CDK6: variants seen among roughly 807,000 people sequenced by gnomAD.
CDK6 encodes the protein cyclin dependent kinase 6.
In CDK6, 6 loss-of-function variants were observed where a neutral mutation model predicts 37.1. The observed-to-expected ratio is 0.16, with a 90% confidence interval of 0.09 to 0.32. The LOEUF is 0.32. Ranked by LOEUF, CDK6 falls within the 10% of genes least tolerant of loss-of-function variation. The pLI is 1.00. For synonymous variants in CDK6, 160 were observed against 161.3 expected (o/e 0.99, Z 0.06); for missense variants, 224 against 418.9 (o/e 0.53, Z 4.06).
chr7:92,746,672 A>G (rs990025610), intron 3 of CDK6, among the ~76,000 whole-genome samples: 8 of 152,204 alleles, frequency 5.3e-5, no homozygotes, highest in Non-Finnish European at 1.0e-4. Context: ...GAGATACTCA[A>G]TCTGTTCCAA....
chr7:92,655,196 A>T lies in CDK6; in HGVS notation c.647+16230T>A, dbSNP rs141860320. Among the ~76,000 whole-genome samples, 745 of 152,088 alleles carry T rather than the reference A, an allele frequency of 4.9e-3. 4 individuals are homozygous for T. Among genetic ancestry groups the T allele is most frequent in the Middle Eastern group, 0.02 (6 of 294 alleles). On this transcript the variant is annotated intron_variant, in intron 5 of 7. Coordinates refer to ENST00000424848, the MANE Select transcript of CDK6 (RefSeq NM_001145306.2). ...CTGGCTAAATGAAAATTCTTCCTATAATTTTGATAATTATTTCACTGCCAG... is the reference window on the plus strand; with the variant it reads ...CTGGCTAAATGAAAATTCTTCCTATTATTTTGATAATTATTTCACTGCCAG...
At chr7:92,688,644 A>C (rs976723135) in intron 4 of CDK6, among the ~76,000 whole-genome samples, 26 of 147,574 alleles carry the variant, frequency 1.8e-4, no homozygotes, top group Admixed American at 6.9e-5. Context: ...GAGTTCTTAG[A>C]CAATTTAGGC....
At chr7:92,645,392 C>T (rs1020012307) in intron 5 of CDK6, among the ~76,000 whole-genome samples, 7 of 152,214 alleles carry the variant, frequency 4.6e-5, no homozygotes, top group Admixed American at 2.0e-4. Context: ...GCATTTCCAT[C>T]GTACAAGAAA....
intron 2 of CDK6, among the ~76,000 whole-genome samples, chr7:92,809,990 A>T (rs187455814): frequency 4.6e-5 from 7 of 152,316 alleles, no homozygotes; most frequent in African/African-American, 1.7e-4. Flanking sequence ...TCAGTAACGC[A>T]GGGTAGGTCA....
chr7:92,633,949 A>G (rs1312428783), intron 5 of CDK6, among the ~76,000 whole-genome samples: 3 of 152,136 alleles, frequency 2.0e-5, no homozygotes, highest in African/African-American at 7.2e-5. Flanking sequence ...CATTAAGGAT[A>G]TTACACCTTT....
chr7:92,756,890 TG>T (rs1430339267), intron 3 of CDK6, among the ~76,000 whole-genome samples: 1 of 152,134 alleles, frequency 6.6e-6, no homozygotes, highest in Non-Finnish European at 1.5e-5. Context: ...ATAACTTTGG[TG>T]GGGCTTTTCT....
At chr7:92,706,825 T>C (rs1797978370) in intron 4 of CDK6, among the ~76,000 whole-genome samples, 1 of 152,238 alleles carries the variant, frequency 6.6e-6, no homozygotes, top group African/African-American at 2.4e-5. Flanking sequence ...ATTCTGCAAC[T>C]GTCTGGATTT....
chr7:92,756,149 T>C (rs1003219643), intron 3 of CDK6, among the ~76,000 whole-genome samples: 9 of 146,190 alleles, frequency 6.2e-5, no homozygotes, highest in African/African-American at 1.9e-4. Flanking sequence ...AATAGAGGCA[T>C]GTAAAATTGT....
intron 5 of CDK6, among the ~76,000 whole-genome samples, chr7:92,627,467 C>T (rs574002974): frequency 6.6e-6 from 1 of 152,126 alleles, no homozygotes; most frequent in Non-Finnish European, 1.5e-5. Context: ...CTCCCTTGTC[C>T]CTTTCACCAT....
Position 92,834,006 on chromosome 7 carries a change from C to A in CDK6, c.-367-316G>T. Reference sequence around the variant, plus strand: ...AGCAGCCCAGAGTGTGCCGGGAGCGCGGGGGAGGGGAGGCGCCGGGCACGT... The same window carrying A: ...AGCAGCCCAGAGTGTGCCGGGAGCGAGGGGGAGGGGAGGCGCCGGGCACGT... On this transcript the variant is annotated intron_variant, in intron 1 of 7. Coordinates refer to ENST00000424848, the MANE Select transcript of CDK6 (RefSeq NM_001145306.2). The surrounding 1 kb of genome is among the most constrained non-coding windows in gnomAD (Gnocchi z 4.6). 2.5e-6 allele frequency: 1 copy of A among 398,074 alleles called. No individual in the cohort carries two copies. Among genetic ancestry groups the A allele is most frequent in the South Asian group, 1.3e-4 (1 of 7,698 alleles). The allele number at this position is 398,074 out of a possible 1,614,324, so 24.7% of individuals were successfully genotyped here. A position where few individuals can be genotyped will look rare whatever the true frequency, so the allele number is the denominator to read the frequency against.
intron 3 of CDK6, among the ~76,000 whole-genome samples, chr7:92,760,978 T>C (rs1197491028): frequency 6.6e-6 from 1 of 152,128 alleles, no homozygotes; most frequent in Non-Finnish European, 1.5e-5. Context: ...GTTCTGTATA[T>C]ATGTACATCT....
chr7:92,684,183 T>A (rs1383350002), intron 4 of CDK6, among the ~76,000 whole-genome samples: 2 of 152,170 alleles, frequency 1.3e-5, no homozygotes, highest in African/African-American at 4.8e-5. Flanking sequence ...GAAGAGCCAA[T>A]GGCAGAACCA....
rs192608643 is a variant in CDK6 at position 92,771,220 on chromosome 7, G to A, written c.369+3476C>T. On this transcript the variant is annotated intron_variant, in intron 3 of 7. Transcript: ENST00000424848. ...CACTGCACTCCAGCCTGGTGACTCCGTCTCAAAAAAAAAAAATAAATAAAA... is the reference window on the plus strand; with the variant it reads ...CACTGCACTCCAGCCTGGTGACTCCATCTCAAAAAAAAAAAATAAATAAAA... Among the ~76,000 whole-genome samples the A allele has an allele frequency of 4.8e-4, 67 of 139,230 alleles. 2 individuals carry two copies. In the Admixed American group the frequency reaches 4.9e-3, roughly 10 times the overall value. The allele number at this position is 139,230 out of a possible 152,430, so 91.3% of individuals were successfully genotyped here.
intron 6 of CDK6, among the ~76,000 whole-genome samples, chr7:92,621,147 G>A (rs770322307): frequency 6.6e-6 from 1 of 152,216 alleles, no homozygotes; most frequent in Non-Finnish European, 1.5e-5. Flanking sequence ...GGAGGAGACA[G>A]AAATATTTTT....
chr7:92,670,117 C>G (rs937083777), intron 5 of CDK6, among the ~76,000 whole-genome samples: 2 of 152,192 alleles, frequency 1.3e-5, no homozygotes, highest in Admixed American at 6.5e-5. Flanking sequence ...TGGACTCATA[C>G]CCCTGCTACT....
intron 5 of CDK6, among the ~76,000 whole-genome samples, chr7:92,647,669 C>T (rs1468459454): frequency 6.6e-6 from 1 of 152,190 alleles, no homozygotes; most frequent in Non-Finnish European, 1.5e-5. Context: ...AGCAAAGATC[C>T]TTGCCCTGTG....
chr7:92,807,473 T>C (rs1400136943), intron 2 of CDK6, among the ~76,000 whole-genome samples: 1 of 151,796 alleles, frequency 6.6e-6, no homozygotes, highest in Non-Finnish European at 1.5e-5. Context: ...TATAAATATA[T>C]CTACATAATT....
At chr7:92,819,831 G>A (rs1308460613) in intron 2 of CDK6, among the ~76,000 whole-genome samples, 2 of 151,896 alleles carry the variant, frequency 1.3e-5, no homozygotes, top group Middle Eastern at 3.4e-3. Flanking sequence ...TAATATAGAA[G>A]TTTCTTTAGA....
At chr7:92,817,038 T>C (rs908372846) in intron 2 of CDK6, among the ~76,000 whole-genome samples, 4 of 152,060 alleles carry the variant, frequency 2.6e-5, no homozygotes, top group African/African-American at 9.6e-5. Context: ...TAAGAAAATA[T>C]AATTTGTAGT....
Sources: gnomAD v4.1 joint callset for allele counts (sites outside exome capture counted in the v4.1 genomes callset) on GRCh38, gnomAD v4.1.1 for gene constraint, Gnocchi (gnomAD v3.1) non-coding constraint, MANE v1.5 for transcripts, NCBI Gene and HGNC (gene_info 2026-07-23, HGNC 2026-07-21) for gene names.